The following SPAG17 variants were observed in gnomAD, a reference collection of about 807,000 sequenced individuals.
SPAG17 encodes the protein sperm-associated antigen 17.
A neutral mutation model predicts 273.6 loss-of-function variants in SPAG17; 169 were observed. The ratio of observed to expected loss-of-function variants is 0.62; its 90% CI spans 0.55 to 0.70. SPAG17 has a LOEUF of 0.70. Among genes scored for constraint, SPAG17 ranks in the 30% least tolerant of loss-of-function variants. SPAG17 has a pLI of 0.00. For synonymous variants in SPAG17, 825 were observed against 873.2 expected, an observed-to-expected ratio of 0.94 and a Z score of 0.97; for missense variants, 2,557 against 2,627.8, an observed-to-expected ratio of 0.97 and a Z score of 0.59.
intron 1 of SPAG17, among the ~76,000 whole-genome samples, chr1:118,174,426 T>C (rs1660582486): frequency 6.6e-6 from 1 of 151,946 alleles, no homozygotes; most frequent in Admixed American, 6.6e-5. Flanking sequence ...TTATAGAGTC[T>C]GATAAGCAAA....
chr1:117,972,379 C>G (rs553312490), intron 44 of SPAG17, among the ~76,000 whole-genome samples: 1 of 152,260 alleles, frequency 6.6e-6, no homozygotes, highest in African/African-American at 2.4e-5. Flanking sequence ...CCATCAGAAT[C>G]TCCTGGAGGA....
intron 1 of SPAG17, among the ~76,000 whole-genome samples, chr1:118,167,831 G>A (rs1189995754): frequency 6.6e-6 from 1 of 152,042 alleles, no homozygotes; most frequent in African/African-American, 2.4e-5. Context: ...TCATGGGGGT[G>A]GATTTTTCAT....
chr1:118,006,599 T>C (rs1172635371), intron 31 of SPAG17, among the ~76,000 whole-genome samples: 3 of 152,214 alleles, frequency 2.0e-5, no homozygotes, highest in East Asian at 1.9e-4. Flanking sequence ...CTTGGATATA[T>C]ACCTAGGAGT....
chr1:118,144,972 T>C (rs192405055), intron 3 of SPAG17, among the ~76,000 whole-genome samples: 12 of 152,364 alleles, frequency 7.9e-5, no homozygotes, highest in Admixed American at 3.9e-4. Flanking sequence ...CCCTAAGCTC[T>C]ATGAAATAAC....
intron 48 of SPAG17, chr1:117,958,770 T>C: frequency 2.6e-6 from 1 of 385,070 alleles, no homozygotes; most frequent in Non-Finnish European, 4.4e-6. Context: ...TCTTTGGCTT[T>C]TTTTTTTTTT....
chr1:117,954,589 C>T, intron 48 of SPAG17: 1 of 1,612,432 alleles, frequency 6.2e-7, no homozygotes, highest in South Asian at 1.1e-5. Flanking sequence ...GGTTCCACTT[C>T]CCAGCAACCC....
At chr1:118,012,507 C>G (rs1335520812) in intron 29 of SPAG17, 135 bp from the exon 30 acceptor site, 1 of 895,828 alleles carries the variant, frequency 1.1e-6, no homozygotes, top group Non-Finnish European at 1.7e-6. Context: ...TTTATCTCAT[C>G]TACCTGATCT....
At chr1:118,124,520 T>C (rs1480953437) in intron 3 of SPAG17, among the ~76,000 whole-genome samples, 1 of 152,212 alleles carries the variant, frequency 6.6e-6, no homozygotes, top group Admixed American at 6.5e-5. Flanking sequence ...TCTAGAGCTT[T>C]TTGTTGTTTG....
At chr1:118,143,105 A>G (rs1374072261) in intron 3 of SPAG17, among the ~76,000 whole-genome samples, 1 of 152,232 alleles carries the variant, frequency 6.6e-6, no homozygotes, top group Non-Finnish European at 1.5e-5. Context: ...TAAAAGCTCC[A>G]ACTGAAATTA....
In SPAG17 at chr1:118,176,808, C is replaced by T. The variant is rs538607064; in HGVS notation, c.87+8263G>A. 2.6e-5 allele frequency among the ~76,000 whole-genome samples: 4 copies of T among 152,260 alleles called. No homozygotes were observed. In the South Asian group the frequency reaches 8.3e-4, roughly 31 times the overall value. On this transcript the variant is annotated intron_variant, in intron 1 of 48. Coordinates refer to ENST00000336338, the MANE Select transcript of SPAG17 (RefSeq NM_206996.4). ...ACAGACCAAATCTTAGGCCACAGAA[C>T]AAATTTCAACAAATTAAAAAGAGTG...
chr1:118,081,615 C>T lies in SPAG17; in HGVS notation c.1790G>A (p.Arg597Gln), dbSNP rs1302824278. Residue 597 changes from arginine to glutamine, a missense_variant, in exon 14 of 49, where the codon CGA (arginine) becomes CAA (glutamine). Arg to Gln is a conservative substitution (Grantham distance 43). Coordinates refer to ENST00000336338, the MANE Select transcript of SPAG17 (RefSeq NM_206996.4). ...SDVLSWNEVE[R>Q]AFKVFTFESL... is the part of the protein sequence containing the mutation. ...CTCAAAAGTAAACACCTTGAAGGCT[C>T]GTTCTACTTCATTCCAGCTCAAGAC... 21 of 1,613,842 alleles carry T rather than the reference C, an allele frequency of 1.3e-5. No individual in the cohort carries two copies. Among genetic ancestry groups the T allele is most frequent in the Admixed American group, 3.3e-5 (2 of 59,994 alleles).
intron 1 of SPAG17, among the ~76,000 whole-genome samples, chr1:118,174,621 C>G (rs1285087261): frequency 6.6e-6 from 1 of 152,020 alleles, no homozygotes; most frequent in Non-Finnish European, 1.5e-5. Context: ...TATAAAAATC[C>G]AAGAAGCTCA....
At chr1:118,127,990 C>A (rs891156864) in intron 3 of SPAG17, among the ~76,000 whole-genome samples, 1 of 152,006 alleles carries the variant, frequency 6.6e-6, no homozygotes, top group Non-Finnish European at 1.5e-5. Flanking sequence ...GGCATGGTGG[C>A]GTATGCCTGT....
intron 43 of SPAG17, among the ~76,000 whole-genome samples, chr1:117,976,566 G>T (rs1236444197): frequency 6.6e-6 from 1 of 152,196 alleles, no homozygotes; most frequent in East Asian, 1.9e-4. Context: ...ATGTGCTTCT[G>T]CTGGACTCTC....
At chr1:118,182,963 T>G (rs551952936) in intron 1 of SPAG17, among the ~76,000 whole-genome samples, 1 of 152,218 alleles carries the variant, frequency 6.6e-6, no homozygotes, top group Non-Finnish European at 1.5e-5. Context: ...CTGATAATTA[T>G]TCCAGCCTGA....
intron 43 of SPAG17, among the ~76,000 whole-genome samples, chr1:117,974,457 T>C (rs1219190099): frequency 6.6e-6 from 1 of 152,126 alleles, no homozygotes; most frequent in East Asian, 1.9e-4. Context: ...ATCTTCAAGG[T>C]TCCTTCTATT....
intron 23 of SPAG17, among the ~76,000 whole-genome samples, chr1:118,038,409 A>G (rs1649338478): frequency 6.6e-6 from 1 of 152,122 alleles, no homozygotes; most frequent in Non-Finnish European, 1.5e-5. Context: ...TCCAAAAGTC[A>G]CACTCCTTGG....
At chr1:118,051,595 A>G (rs114986766) in intron 20 of SPAG17, among the ~76,000 whole-genome samples, 3,753 of 150,496 alleles carry the variant, frequency 0.025, 75 homozygotes, top group Middle Eastern at 0.075. Flanking sequence ...ATTCTGTAAT[A>G]CTATGTATAC....
At position 118,165,903 on chromosome 1, in the gene SPAG17, A is replaced by C. The variant is rs568098621; in HGVS notation, c.88-14534T>G. 2.0e-5 allele frequency among the ~76,000 whole-genome samples: 3 copies of C among 152,274 alleles called. No homozygotes were observed. In the South Asian group the frequency reaches 6.2e-4, roughly 32 times the overall value. On this transcript the variant is annotated intron_variant, in intron 1 of 48. Transcript: ENST00000336338. ...CCTGATCCACCCGCCTCGGCCTCCC[A>C]AAGTGCTGGGATTACGGGCGTGAGC...
Sources: gnomAD v4.1 joint callset for allele counts (sites outside exome capture counted in the v4.1 genomes callset) on GRCh38, gnomAD v4.1.1 for gene constraint, MANE v1.5 for transcripts, NCBI Gene and HGNC (gene_info 2026-07-23, HGNC 2026-07-21) for gene names.